Variants in MARCHF11 observed in about 807,000 individuals in gnomAD.
MARCHF11 encodes the protein membrane associated ring-CH-type finger 11, also known as E3 ubiquitin-protein ligase MARCHF11.
Under a neutral mutation model 37.3 loss-of-function variants are expected in MARCHF11, and 29 were observed. The observed-to-expected ratio is 0.78, with a 90% CI of 0.58 to 1.06. The LOEUF is 1.06. Among genes scored for constraint, MARCHF11 ranks in the 50% least tolerant of loss-of-function variants. MARCHF11 has a pLI of 0.00. For synonymous variants in MARCHF11, 233 were observed against 228.0 expected (o/e 1.02, Z -0.20); for missense variants, 482 against 533.4 (o/e 0.90, Z 0.95).
At chr5:16,147,044 T>A (rs1156627906) in intron 2 of MARCHF11, among the ~76,000 whole-genome samples, 1 of 152,144 alleles carries the variant, frequency 6.6e-6, no homozygotes, top group Non-Finnish European at 1.5e-5. Context: ...TTTTCTCAGA[T>A]AAATTTATCA....
chr5:16,129,633 C>A (rs149982324), intron 2 of MARCHF11, among the ~76,000 whole-genome samples: 1 of 152,014 alleles, frequency 6.6e-6, no homozygotes, highest in Non-Finnish European at 1.5e-5. Context: ...GTTGGCTCAG[C>A]GATATTTTAT....
At chr5:16,144,177 A>G (rs2126593684) in intron 2 of MARCHF11, among the ~76,000 whole-genome samples, 1 of 152,376 alleles carries the variant, frequency 6.6e-6, no homozygotes, top group African/African-American at 2.4e-5. Context: ...AAAGCACTTT[A>G]TACACAGAAA....
At chr5:16,083,144 C>T (rs1323620328) in intron 3 of MARCHF11, among the ~76,000 whole-genome samples, 1 of 152,176 alleles carries the variant, frequency 6.6e-6, no homozygotes, top group Non-Finnish European at 1.5e-5. Context: ...TCTGCTTGTA[C>T]AGCTCTGAGA....
At chr5:16,161,030 G>A (rs771170139) in intron 2 of MARCHF11, among the ~76,000 whole-genome samples, 2 of 151,820 alleles carry the variant, frequency 1.3e-5, no homozygotes, top group Non-Finnish European at 2.9e-5. Context: ...TATTTGGAAA[G>A]GTTTTAAACT....
chr5:16,084,103 TA>T, intron 3 of MARCHF11, among the ~76,000 whole-genome samples: 1 of 152,238 alleles, frequency 6.6e-6, no homozygotes, highest in East Asian at 1.9e-4. Context: ...AAAAAAAAAG[TA>T]GCAAAGTTAA....
chr5:16,179,449 G>C lies in MARCHF11; in HGVS notation c.127C>G (p.Pro43Ala), dbSNP rs1371958866. ...GGCGGCAGGTAGCGCGGGGCCGCGG[G>C]GACCGGGGCCGGCTCTCCCGGCGGC... ...TPPPGEPAPV[P>A]AAPRYLPPLP... is the part of the protein sequence containing the mutation. The change falls in exon 1 of 4, where the codon CCC becomes GCC. Residue 43 changes from proline (P) to alanine (A), a missense_variant. Transcript: ENST00000332432. 7 of 1,116,628 alleles carry C rather than the reference G, an allele frequency of 6.3e-6. No individual in the cohort carries two copies. Among genetic ancestry groups the C allele is most frequent in the East Asian group, 5.0e-5 (1 of 19,822 alleles). The allele number at this position is 1,116,628 out of a possible 1,614,324, so 69.2% of individuals were successfully genotyped here.
intron 2 of MARCHF11, among the ~76,000 whole-genome samples, chr5:16,172,453 T>G (rs1738285822): frequency 6.6e-6 from 1 of 152,214 alleles, no homozygotes; most frequent in African/African-American, 2.4e-5. Context: ...CCCCTCAGCT[T>G]GTCATTTGCT....
At chr5:16,069,219 G>T (rs115966467) in intron 3 of MARCHF11, among the ~76,000 whole-genome samples, 2,274 of 152,048 alleles carry the variant, frequency 0.015, 62 homozygotes, top group African/African-American at 0.051. Flanking sequence ...AAGTCACAAT[G>T]AAAAAATTAA....
chr5:16,119,055 G>C (rs1473312106), intron 2 of MARCHF11, among the ~76,000 whole-genome samples: 2 of 152,076 alleles, frequency 1.3e-5, no homozygotes, highest in African/African-American at 4.8e-5. Context: ...CCAATAGCGA[G>C]AGACACTTAA....
At chr5:16,155,058 T>C (rs1293577167) in intron 2 of MARCHF11, among the ~76,000 whole-genome samples, 1 of 151,828 alleles carries the variant, frequency 6.6e-6, no homozygotes, top group Non-Finnish European at 1.5e-5. Flanking sequence ...CAGAGGAAAA[T>C]GAGAAACTAT....
At chr5:16,132,333 G>A (rs1176333469) in intron 2 of MARCHF11, among the ~76,000 whole-genome samples, 2 of 152,196 alleles carry the variant, frequency 1.3e-5, no homozygotes, top group South Asian at 2.1e-4. Context: ...GGCCAGCCAG[G>A]TGGGTCCCAA....
intron 3 of MARCHF11, among the ~76,000 whole-genome samples, chr5:16,089,806 T>C (rs1337181371): frequency 1.3e-5 from 2 of 152,184 alleles, no homozygotes; most frequent in East Asian, 3.9e-4. Context: ...AACATAATTG[T>C]TTTATAATCA....
At chr5:16,096,631 G>A (rs962981032) in intron 2 of MARCHF11, among the ~76,000 whole-genome samples, 1 of 152,210 alleles carries the variant, frequency 6.6e-6, no homozygotes, top group African/African-American at 2.4e-5. Flanking sequence ...AATGAAGTAT[G>A]ACTAATTAAT....
intron 2 of MARCHF11, among the ~76,000 whole-genome samples, chr5:16,137,204 A>C (rs2126588731): frequency 6.6e-6 from 1 of 152,308 alleles, no homozygotes; most frequent in East Asian, 1.9e-4. Flanking sequence ...CCCCAACCAA[A>C]TTTCATCTTG....
intron 2 of MARCHF11, among the ~76,000 whole-genome samples, chr5:16,161,154 T>G (rs918235137): frequency 1.3e-5 from 2 of 151,528 alleles, no homozygotes; most frequent in African/African-American, 4.8e-5. Context: ...TCATTTACAT[T>G]GGGTGTATCT....
chr5:16,076,557 T>G (rs897605999), intron 3 of MARCHF11, among the ~76,000 whole-genome samples: 5 of 152,166 alleles, frequency 3.3e-5, no homozygotes, highest in African/African-American at 9.7e-5. Context: ...CTTGGACAGA[T>G]GAAACACCTT....
chr5:16,163,313 A>C (rs1738116740), intron 2 of MARCHF11, among the ~76,000 whole-genome samples: 1 of 152,076 alleles, frequency 6.6e-6, no homozygotes, highest in African/African-American at 2.4e-5. Context: ...AAAGTTATGG[A>C]AGAGGACAAT....
At chr5:16,150,559 T>C (rs1737873255) in intron 2 of MARCHF11, among the ~76,000 whole-genome samples, 1 of 144,204 alleles carries the variant, frequency 6.9e-6, no homozygotes, top group South Asian at 2.1e-4. Flanking sequence ...TGGCCTTTTG[T>C]AACAGTGTAA....
At position 16,069,966 on chromosome 5, in the gene MARCHF11, A is replaced by T. The variant is rs539640796; in HGVS notation, c.887-2173T>A. On this transcript the variant is annotated intron_variant, in intron 3 of 3. Coordinates refer to ENST00000332432, the MANE Select transcript of MARCHF11 (RefSeq NM_001102562.3). ...ACTTACAAGCATTCCAAATATATTA[A>T]TATAGGCTACAAAAAATGCATGTGG... Among the ~76,000 whole-genome samples, 49 of 152,308 alleles carry T rather than the reference A, an allele frequency of 3.2e-4. No homozygotes were observed. In the South Asian group the frequency reaches 9.5e-3, roughly 30 times the overall value.
Sources: gnomAD v4.1 joint callset for allele counts (sites outside exome capture counted in the v4.1 genomes callset) on GRCh38, gnomAD v4.1.1 for gene constraint, MANE v1.5 for transcripts, NCBI Gene and HGNC (gene_info 2026-07-23, HGNC 2026-07-21) for gene names.